The following IKZF3 variants were observed in gnomAD, a reference collection of about 807,000 sequenced individuals.
IKZF3 encodes the protein zinc finger protein Aiolos.
A neutral mutation model predicts 49.0 loss-of-function variants in IKZF3; 10 were observed. The ratio of observed to expected loss-of-function variants is 0.20; its 90% CI spans 0.13 to 0.35. The LOEUF (loss-of-function observed/expected upper bound fraction) is 0.35. IKZF3 is among the 10% of genes least tolerant of loss of function. The pLI is 1.00. For synonymous variants in IKZF3, 209 were observed against 228.2 expected (o/e 0.92, Z 0.76); for missense variants, 498 against 664.8 (o/e 0.75, Z 2.76).
In IKZF3 at chr17:39,763,051, C is replaced by G. The variant is rs1221860713; in HGVS notation, c.*2739G>C. ...AACAGGATGTGCGATATTTCAAGAA[C>G]GTAATGAGCAACTCCTCTTTCACAA... is the stretch of plus-strand genomic sequence containing the variant. On this transcript the variant is annotated 3_prime_UTR_variant, in exon 8 of 8. Transcript: ENST00000346872. The G allele has an allele frequency of 6.6e-6, 1 of 152,186 alleles. No individual in the cohort carries two copies. The highest frequency in any genetic ancestry group is 2.4e-5 in the African/African-American group (1 of 41,452). 9.4% of individuals were successfully genotyped at this position (152,186 alleles called of 1,614,324 possible).
At chr17:39,862,328 T>C (rs947279826) in intron 1 of IKZF3, among the ~76,000 whole-genome samples, 9 of 152,198 alleles carry the variant, frequency 5.9e-5, no homozygotes, top group African/African-American at 1.9e-4. Flanking sequence ...TATGAATCAA[T>C]GTGACCCCCA....
chr17:39,815,859 T>C (rs2061667316), intron 3 of IKZF3, among the ~76,000 whole-genome samples: 1 of 152,234 alleles, frequency 6.6e-6, no homozygotes, highest in Non-Finnish European at 1.5e-5. Flanking sequence ...ATTATATCAC[T>C]TCATAGGTAA....
At chr17:39,789,119 G>A (rs941237397) in intron 5 of IKZF3, among the ~76,000 whole-genome samples, 14 of 152,046 alleles carry the variant, frequency 9.2e-5, no homozygotes, top group African/African-American at 3.4e-4. Flanking sequence ...ACCCGGCCAG[G>A]ATATTTTTGA....
Position 39,823,137 on chromosome 17 carries a change from T to TCTAGGTTTCTA in IKZF3, c.163+6249_163+6250insTAGAAACCTAG, listed in dbSNP as rs2061855476. On this transcript the variant is annotated intron_variant, in intron 3 of 7. Transcript: ENST00000346872. ...TGGAACTTCCTAGAGACTTGTTGAA[T>TCTAGGTTTCTA]GGTTTCGACCAAAATGCTGACAGTG... Among the ~76,000 whole-genome samples, 3 of 152,282 alleles carry TCTAGGTTTCTA rather than the reference T, an allele frequency of 2.0e-5. No individual in the cohort carries two copies. The South Asian group carries it at 6.2e-4, about 32-fold the overall frequency.
intron 3 of IKZF3, among the ~76,000 whole-genome samples, chr17:39,804,215 G>A (rs915581893): frequency 6.6e-6 from 1 of 152,192 alleles, no homozygotes; most frequent in African/African-American, 2.4e-5. Flanking sequence ...GGGAGGCCAA[G>A]GCGGGCAGAT....
At chr17:39,840,042 T>C (rs1259275072) in intron 1 of IKZF3, among the ~76,000 whole-genome samples, 1 of 152,208 alleles carries the variant, frequency 6.6e-6, no homozygotes, top group African/African-American at 2.4e-5. Flanking sequence ...GGGCAGCAGC[T>C]GGGGTGACCA....
In IKZF3 at chr17:39,791,622, C is replaced by G. The variant is rs376959823; in HGVS notation, c.425-39G>C. On this transcript the variant is annotated intron_variant, in intron 4 of 7. Transcript: ENST00000346872. ...AAAAAAGGAGATTTCTGGTCACAGG[C>G]AAGTGGAGAAACATATGCACAGATT... 8.9e-5 allele frequency: 142 copies of G among 1,602,842 alleles called. 2 individuals carry two copies. The highest frequency in any genetic ancestry group is 3.4e-4 in the Middle Eastern group (2 of 5,936).
At chr17:39,855,949 T>TAATATACAATGTATATTGTATATGTAC (rs1366583713) in intron 1 of IKZF3, among the ~76,000 whole-genome samples, 17 of 151,820 alleles carry the variant, frequency 1.1e-4, no homozygotes, top group Admixed American at 6.6e-4. Flanking sequence ...ACATGTATTA[T>TAATATACAATGTATATTGTATATGTAC]AATATACAAT....
At position 39,766,133 on chromosome 17, in the gene IKZF3, C is replaced by A. The variant is rs779142309; in HGVS notation, c.1187G>T (p.Arg396Leu). The A allele has an allele frequency of 1.2e-6, 2 of 1,613,926 alleles. No homozygotes were observed. Among genetic ancestry groups the A allele is most frequent in the African/African-American group, 1.3e-5 (1 of 74,862 alleles). The change falls in exon 8 of 8, where the codon CGC (arginine) becomes CTC (leucine). Residue 396 changes from arginine (R) to leucine (L), a missense_variant. By Grantham distance (102) the Arg-to-Leu change is moderately radical. Around this residue, in one of 3 missense-constraint regions of IKZF3, gnomAD observed 317 missense variants for 397.3 expected, o/e 0.80. Transcript: ENST00000346872. The part of the protein sequence containing the change: ...STDTDSNHEE[R>L]QNHIYQQNHM... ...ATTTTGCTGATAGATGTGATTCTGG[C>A]GTTCTTCATGGTTGCTGTCAGTGTC... is the stretch of plus-strand genomic sequence containing the variant.
Position 39,780,177 on chromosome 17 carries a change from A to G in IKZF3, c.710-2410T>C, listed in dbSNP as rs771088783. On this transcript the variant is annotated intron_variant, in intron 6 of 7. Transcript: ENST00000346872. ...TATTAAGGTAACTGCAAAGACCACAATTACTTTTGCACCAACCTATTAGTG... is the reference window on the plus strand; with the variant it reads ...TATTAAGGTAACTGCAAAGACCACAGTTACTTTTGCACCAACCTATTAGTG... Among the ~76,000 whole-genome samples, 5 of 151,322 alleles carry G rather than the reference A, an allele frequency of 3.3e-5. No homozygotes were observed. The East Asian group carries it at 5.8e-4, about 18-fold the overall frequency.
intron 3 of IKZF3, among the ~76,000 whole-genome samples, chr17:39,800,120 G>T (rs1396447312): frequency 6.6e-6 from 1 of 152,190 alleles, no homozygotes; most frequent in Non-Finnish European, 1.5e-5. Context: ...TTGGGGAACT[G>T]CCTGATAGTA....
At position 39,765,592 on chromosome 17, in the gene IKZF3, A is replaced by G; in HGVS notation, c.*198T>C. 2.0e-6 allele frequency: 1 copy of G among 502,930 alleles called. No individual in the cohort carries two copies. Among genetic ancestry groups the G allele is most frequent in the Non-Finnish European group, 3.5e-6 (1 of 286,248 alleles). The allele number at this position is 502,930 out of a possible 1,614,324, so 31.2% of individuals were successfully genotyped here. A position where few individuals can be genotyped will look rare whatever the true frequency, so the allele number is the denominator to read the frequency against. ...CCTGATGGGAAAACAAAGGTTTCAC[A>G]AAAGTAATAATATGCTAGACCTGCG... On this transcript the variant is annotated 3_prime_UTR_variant, in exon 8 of 8. Coordinates refer to ENST00000346872, the MANE Select transcript of IKZF3 (RefSeq NM_012481.5).
At chr17:39,822,639 G>A (rs2061842086) in intron 3 of IKZF3, among the ~76,000 whole-genome samples, 1 of 147,524 alleles carries the variant, frequency 6.8e-6, no homozygotes, top group Admixed American at 6.8e-5. Context: ...CTGGAGTGCA[G>A]TGGCGCGATC....
At chr17:39,840,186 T>G (rs1201411262) in intron 1 of IKZF3, among the ~76,000 whole-genome samples, 3 of 152,216 alleles carry the variant, frequency 2.0e-5, no homozygotes, top group Admixed American at 2.0e-4. Context: ...GTTGGGCTAT[T>G]TAGAGTGTAA....
At chr17:39,809,485 T>C (rs1342332655) in intron 3 of IKZF3, among the ~76,000 whole-genome samples, 1 of 152,246 alleles carries the variant, frequency 6.6e-6, no homozygotes, top group African/African-American at 2.4e-5. Flanking sequence ...GACATCTTCA[T>C]TCACCTGCTG....
intron 6 of IKZF3, among the ~76,000 whole-genome samples, chr17:39,784,293 T>C (rs2060819064): frequency 6.6e-6 from 1 of 152,228 alleles, no homozygotes; most frequent in Non-Finnish European, 1.5e-5. Flanking sequence ...CATGTTCTTC[T>C]GTATTTTTCC....
intron 3 of IKZF3, among the ~76,000 whole-genome samples, chr17:39,802,649 G>T (rs1598055366): frequency 6.8e-6 from 1 of 146,304 alleles, no homozygotes; most frequent in Admixed American, 6.8e-5. Context: ...TGAGAAAATA[G>T]CCAGGTATGG....
At chr17:39,855,296 T>C (rs1236829964) in intron 1 of IKZF3, among the ~76,000 whole-genome samples, 1 of 152,228 alleles carries the variant, frequency 6.6e-6, no homozygotes, top group Non-Finnish European at 1.5e-5. Context: ...TGTTGAAATG[T>C]GAGACTAACA....
At chr17:39,831,277 G>C (rs1176592780) in intron 2 of IKZF3, among the ~76,000 whole-genome samples, 1 of 152,030 alleles carries the variant, frequency 6.6e-6, no homozygotes, top group Non-Finnish European at 1.5e-5. Flanking sequence ...AGGAGGCTGA[G>C]GCAGGAGAAT....
Sources: gnomAD v4.1 joint callset for allele counts (sites outside exome capture counted in the v4.1 genomes callset) on GRCh38, gnomAD v4.1.1 for gene constraint, gnomAD v4.1.1 regional missense constraint, MANE v1.5 for transcripts, NCBI Gene and HGNC (gene_info 2026-07-23, HGNC 2026-07-21) for gene names.